AGBL5: variants seen among roughly 807,000 people sequenced by gnomAD.
The protein encoded by AGBL5 is cytosolic carboxypeptidase-like protein 5.
AGBL5 carries 51 observed loss-of-function variants against 88.0 expected under a neutral mutation model. The ratio of observed to expected loss-of-function variants is 0.58; its 90% CI spans 0.46 to 0.73. The LOEUF is 0.73. Ranked by LOEUF, AGBL5 falls within the 30% of genes least tolerant of loss-of-function variation. The pLI is 0.00. For missense variants in AGBL5, 1,031 were observed against 1,162.2 expected, an observed-to-expected ratio of 0.89 and a Z score of 1.64; for synonymous variants, 446 against 438.8, an observed-to-expected ratio of 1.02 and a Z score of -0.21.
At chr2:27,066,003 T>C (rs1668967145) in intron 11 of AGBL5, among the ~76,000 whole-genome samples, 1 of 152,212 alleles carries the variant, frequency 6.6e-6, no homozygotes, top group Admixed American at 6.5e-5. Context: ...CTCACACCTG[T>C]AATCCCAGCA....
intron 10 of AGBL5, 31 bp from the exon 11 acceptor site, chr2:27,059,159 C>T: frequency 6.2e-7 from 1 of 1,600,962 alleles, no homozygotes; most frequent in East Asian, 2.2e-5. Context: ...ACCTTCCTGG[C>T]CCGGGTTAAC....
At position 27,069,613 on chromosome 2, in the gene AGBL5, G is replaced by A. The variant is rs772833415; in HGVS notation, c.2396G>A (p.Arg799Lys). Residue 799 changes from arginine (R) to lysine (K), a missense_variant, in exon 14 of 15, where the codon AGA (arginine) becomes AAA (lysine). Physicochemically the swap from Arg to Lys is conservative, Grantham distance 26 (BLOSUM62 2). Coordinates refer to ENST00000360131, the MANE Select transcript of AGBL5 (RefSeq NM_021831.6). The stretch of plus-strand genomic sequence containing the variant: ...GGCCGGGGCTCACCGCCGACTCGCA[G>A]AGGGATGAAAGGCTCTTCAGGCCCC... The part of the protein sequence containing the change: ...RLGRGSPPTR[R>K]GMKGSSGPTS... The A allele has an allele frequency of 2.5e-6, 4 of 1,614,104 alleles. No homozygotes were observed. In the Admixed American group the frequency reaches 5.0e-5, roughly 20 times the overall value.
At position 27,055,676 on chromosome 2, in the gene AGBL5, C is replaced by G; in HGVS notation, c.909-6C>G. 2.5e-6 allele frequency: 4 copies of G among 1,608,948 alleles called. No homozygotes were observed. Among genetic ancestry groups the G allele is most frequent in the Non-Finnish European group, 3.4e-6 (4 of 1,176,450 alleles). ...AGAACCTGCTTCAGTCCTTGTTTTC[C>G]TACAGCACAGACTCACGTGGAGTGA... On this transcript the variant is annotated splice_region_variant and splice_polypyrimidine_tract_variant and intron_variant, in intron 6 of 14. Coordinates refer to ENST00000360131, the MANE Select transcript of AGBL5 (RefSeq NM_021831.6).
intron 10 of AGBL5, among the ~76,000 whole-genome samples, chr2:27,058,890 C>T (rs1668571780): frequency 6.6e-6 from 1 of 152,206 alleles, no homozygotes; most frequent in Admixed American, 6.5e-5. Context: ...CAGGCCTCAG[C>T]TTCCAAGGGT....
chr2:27,050,800 G>T (rs1668051240), upstream of AGBL5, among the ~76,000 whole-genome samples: 1 of 152,240 alleles, frequency 6.6e-6, no homozygotes, highest in Non-Finnish European at 1.5e-5. Context: ...AGCTCAGTTG[G>T]TAGAGCGGAG....
At chr2:27,055,499 G>C in intron 6 of AGBL5, 183 bp from the exon 7 acceptor site, 1 of 797,490 alleles carries the variant, frequency 1.3e-6, no homozygotes, top group Non-Finnish European at 1.9e-6. Context: ...AGCTCCTTAG[G>C]GTTCTATGGT....
Position 27,053,334 on chromosome 2 carries a change from G to A in AGBL5, c.216-68G>A, listed in dbSNP as rs3806520. The A allele has an allele frequency of 0.61, 946,907 of 1,561,692 alleles. 294,034 individuals carry two copies. Among genetic ancestry groups the A allele is most frequent in the East Asian group, 0.77 (34,312 of 44,288 alleles). ...GCCCTTTCCCAGTTTGGCTGGCTCC[G>A]GCTCTCCCACAGACCATATCTCCAA... On this transcript the variant is annotated intron_variant, in intron 2 of 14. Coordinates refer to ENST00000360131, the MANE Select transcript of AGBL5 (RefSeq NM_021831.6). This position sits in a 1 kb window ranked among gnomAD's most constrained non-coding sequence, Gnocchi z 4.9.
chr2:27,058,250 A>G lies in AGBL5; in HGVS notation c.1672-150A>G, dbSNP rs58403443. ...GGGAACAGCTCCAAATCCGTTTGCA[A>G]TAAACAGCCTGGGCACAAAGGTTAG... On this transcript the variant is annotated intron_variant, in intron 9 of 14. Coordinates refer to ENST00000360131, the MANE Select transcript of AGBL5 (RefSeq NM_021831.6). 5.8e-3 allele frequency: 5,154 copies of G among 885,358 alleles called. 162 individuals are homozygous for G. In the African/African-American group the frequency reaches 0.071, roughly 12 times the overall value. The allele number at this position is 885,358 out of a possible 1,614,324, so 54.8% of individuals were successfully genotyped here.
At chr2:27,058,674 G>A in intron 10 of AGBL5, 72 bp downstream of exon 10, 2 of 1,510,422 alleles carry the variant, frequency 1.3e-6, no homozygotes, top group Non-Finnish European at 1.8e-6. Context: ...GAGTTCCAAG[G>A]GATTTATATT....
intron 4 of AGBL5, chr2:27,054,322 T>C: frequency 1.8e-6 from 1 of 553,632 alleles, no homozygotes; most frequent in Non-Finnish European, 3.1e-6. Context: ...ATCCAGAGTT[T>C]AGCCAGCATT....
intron 11 of AGBL5, among the ~76,000 whole-genome samples, chr2:27,067,252 TAAAAAAAAAAA>T (rs36064257): frequency 9.6e-6 from 1 of 104,482 alleles, no homozygotes; most frequent in South Asian, 3.1e-4. Flanking sequence ...TGGAAACCTT[TAAAAAAAAAAA>T]AAAAAAAAAA....
intron 11 of AGBL5, among the ~76,000 whole-genome samples, chr2:27,060,062 T>C (rs553886175): frequency 1.3e-5 from 2 of 152,300 alleles, no homozygotes; most frequent in Non-Finnish European, 2.9e-5. Context: ...GGCAGGAGAA[T>C]CGCTTGAACC....
In AGBL5 at chr2:27,056,120, T is replaced by C. The variant is rs762304587; in HGVS notation, c.1347T>C (p.Phe449=). Residue 449 remains phenylalanine, a synonymous_variant, in exon 7 of 15, where the codon TTT becomes TTC. Transcript: ENST00000360131. ...GCTGCTTCATGTACGGAAACAGCTT[T>C]AGTGATGAGAGCACCCAGGTGGGAA... The part of the protein sequence containing the change: ...KRGCFMYGNS[F]SDESTQVENM... The C allele has an allele frequency of 3.1e-6, 5 of 1,611,930 alleles. No individual in the cohort carries two copies. The highest frequency in any genetic ancestry group is 1.7e-5 in the Admixed American group (1 of 59,986).
At position 27,055,598 on chromosome 2, in the gene AGBL5, C is replaced by T. The variant is rs563878758; in HGVS notation, c.909-84C>T. ...GCCTCTCATTTGATAAGTCAGTCTC[C>T]TACGGTCTCCTTTTCATCTACACTA... On this transcript the variant is annotated intron_variant, in intron 6 of 14. Coordinates refer to ENST00000360131, the MANE Select transcript of AGBL5 (RefSeq NM_021831.6). 3 of 1,276,648 alleles carry T rather than the reference C, an allele frequency of 2.3e-6. 1 individual carries two copies. The highest frequency in any genetic ancestry group is 4.3e-5 in the Admixed American group (2 of 46,336). The allele number at this position is 1,276,648 out of a possible 1,614,324, so 79.1% of individuals were successfully genotyped here. A position where few individuals can be genotyped will look rare whatever the true frequency, so the allele number is the denominator to read the frequency against.
chr2:27,050,613 T>C (rs1450842316), upstream of AGBL5, among the ~76,000 whole-genome samples: 1 of 152,264 alleles, frequency 6.6e-6, no homozygotes, highest in Admixed American at 6.5e-5. Context: ...ACCCGGACTT[T>C]GGGCAGCTTC....
At chr2:27,067,293 G>A (rs181007482) in intron 11 of AGBL5, among the ~76,000 whole-genome samples, 105 of 151,268 alleles carry the variant, frequency 6.9e-4, no homozygotes, top group African/African-American at 2.5e-3. Context: ...GATGAAGGCT[G>A]GTGGAGAATG....
Position 27,069,599 on chromosome 2 carries a change from A to G in AGBL5, c.2382A>G (p.Ser794=), listed in dbSNP as rs1436033487. 5 of 1,614,142 alleles carry G rather than the reference A, an allele frequency of 3.1e-6. No homozygotes were observed. Among genetic ancestry groups the G allele is most frequent in the Non-Finnish European group, 4.2e-6 (5 of 1,179,984 alleles). ...LQARPRLGRG[S]PPTRRGMKGS... Reference sequence around the variant, plus strand: ...CTAGGCCCAGGTTGGGCCGGGGCTCACCGCCGACTCGCAGAGGGATGAAAG... The same window carrying G: ...CTAGGCCCAGGTTGGGCCGGGGCTCGCCGCCGACTCGCAGAGGGATGAAAG... Residue 794 remains serine (S), a synonymous_variant, in exon 14 of 15, where the codon TCA becomes TCG. Transcript: ENST00000360131.
At chr2:27,068,562 C>A (rs768269326) in intron 12 of AGBL5, 70 bp from the exon 13 acceptor site, 42 of 1,411,936 alleles carry the variant, frequency 3.0e-5, no homozygotes, top group Non-Finnish European at 3.2e-5. Flanking sequence ...GGTTAAGAAA[C>A]CCTGATCCTT....
At chr2:27,057,501 C>A in intron 9 of AGBL5, 63 bp downstream of exon 9, 1 of 1,517,146 alleles carries the variant, frequency 6.6e-7, no homozygotes, top group South Asian at 1.3e-5. Context: ...GGCCTTCACT[C>A]TTAGTGCCTG....
Sources: gnomAD v4.1 joint callset for allele counts (sites outside exome capture counted in the v4.1 genomes callset) on GRCh38, gnomAD v4.1.1 for gene constraint, Gnocchi (gnomAD v3.1) non-coding constraint, MANE v1.5 for transcripts, NCBI Gene and HGNC (gene_info 2026-07-23, HGNC 2026-07-21) for gene names.